The following RRM1 variants were observed in gnomAD, a reference collection of about 807,000 sequenced individuals.
RRM1 encodes ribonucleotide reductase catalytic subunit M1.
Under a neutral mutation model 101.5 loss-of-function variants are expected in RRM1, and 19 were observed. The ratio of observed to expected loss-of-function variants is 0.19; its 90% CI spans 0.13 to 0.27. RRM1 has a LOEUF of 0.27. Ranked by LOEUF, RRM1 falls within the 10% of genes least tolerant of loss-of-function variation. The pLI is 1.00. For missense variants in RRM1, 500 were observed against 962.9 expected, an observed-to-expected ratio of 0.52 and a Z score of 6.36; for synonymous variants, 298 against 323.4, an observed-to-expected ratio of 0.92 and a Z score of 0.84.
At chr11:4,110,341 C>T (rs949079947) in intron 5 of RRM1, among the ~76,000 whole-genome samples, 6 of 151,980 alleles carry the variant, frequency 3.9e-5, no homozygotes, top group Admixed American at 6.5e-5. Context: ...TTAGTAGAGA[C>T]GGAGTTTCAC....
chr11:4,132,567 ATTTG>A lies in RRM1; in HGVS notation c.1905+149_1905+152del. ...AGTCATCTTCATCTCTAATATTATT[ATTTG>A]TTATTAATATTTCAGCACAATAGGC... On this transcript the variant is annotated intron_variant, in intron 16 of 18. Transcript: ENST00000300738. This position sits in a 1 kb window ranked among gnomAD's most constrained non-coding sequence, Gnocchi z 4.1. 1.4e-6 allele frequency: 1 copy of A among 723,840 alleles called. No homozygotes were observed. The highest frequency in any genetic ancestry group is 2.7e-5 in the East Asian group (1 of 37,020). The allele number at this position is 723,840 out of a possible 1,614,324, so 44.8% of individuals were successfully genotyped here.
In RRM1 at chr11:4,133,575, C is replaced by T. The variant is rs778550701; in HGVS notation, c.1918C>T (p.His640Tyr). The change falls in exon 17 of 19, where the codon CAC becomes TAC. Residue 640 changes from histidine to tyrosine, a missense_variant. By Grantham distance (83) the His-to-Tyr change is moderately conservative (BLOSUM62 2). Around this residue, in one of 9 missense-constraint regions of RRM1, gnomAD observed 79 missense variants for 176.4 expected, o/e 0.45. Coordinates refer to ENST00000300738, the MANE Select transcript of RRM1 (RefSeq NM_001033.5). ...CTTTTCCATTCAGATTGTAAATCCT[C>T]ACTTATTGAAAGATCTTACCGAGCG... ...LSGEFQIVNP[H>Y]LLKDLTERGL... 27 of 1,606,292 alleles carry T rather than the reference C, an allele frequency of 1.7e-5. No homozygotes were observed. Among genetic ancestry groups the T allele is most frequent in the Non-Finnish European group, 2.3e-5 (27 of 1,174,992 alleles).
chr11:4,121,841 G>A, intron 10 of RRM1, 76 bp downstream of exon 10: 1 of 1,399,586 alleles, frequency 7.1e-7, no homozygotes. Context: ...CTTAAGTCAT[G>A]CTTAGGAAGA....
intron 1 of RRM1, among the ~76,000 whole-genome samples, chr11:4,101,564 C>CCT (rs1554973355): frequency 1.7e-5 from 2 of 114,778 alleles, no homozygotes; most frequent in African/African-American, 6.6e-5. Context: ...TCCACACCCC[C>CCT]CCCCGCTCCC....
chr11:4,130,144 C>CT (rs1202093783), intron 15 of RRM1, among the ~76,000 whole-genome samples: 1 of 123,710 alleles, frequency 8.1e-6, no homozygotes, highest in Admixed American at 9.0e-5. Context: ...ATATACATGA[C>CT]TTTTTTTCTA....
At chr11:4,124,076 G>C (rs2094585875) in intron 12 of RRM1, among the ~76,000 whole-genome samples, 1 of 152,148 alleles carries the variant, frequency 6.6e-6, no homozygotes. Context: ...CTGTTTTGAT[G>C]GTGCAAGTAG....
intron 1 of RRM1, among the ~76,000 whole-genome samples, chr11:4,098,402 C>T (rs1465508686): frequency 7.1e-6 from 1 of 140,682 alleles, no homozygotes; most frequent in African/African-American, 2.6e-5. Flanking sequence ...TCTCCCCCTC[C>T]CTCCGTCCCT....
rs746042273 is a variant in RRM1 at position 4,126,721 on chromosome 11, T to C, written c.1358T>C (p.Met453Thr). ...AATTTGGCTTCCCTGGCCCTGAATA[T>C]GTATGTCACATCAGAACACACATAC... Reference protein sequence around the residue: ...VCNLASLALNMYVTSEHTYDF... With the variant: ...VCNLASLALNTYVTSEHTYDF... The change falls in exon 13 of 19, where the codon ATG becomes ACG. Residue 453 changes from methionine (M) to threonine (T), a missense_variant. Coordinates refer to ENST00000300738, the MANE Select transcript of RRM1 (RefSeq NM_001033.5). The C allele has an allele frequency of 1.4e-5, 23 of 1,613,586 alleles. No homozygotes were observed. The highest frequency in any genetic ancestry group is 1.9e-5 in the Non-Finnish European group (23 of 1,179,842).
chr11:4,110,316 C>T (rs2133295522), intron 5 of RRM1, among the ~76,000 whole-genome samples: 1 of 152,126 alleles, frequency 6.6e-6, no homozygotes, highest in South Asian at 2.1e-4. Flanking sequence ...CCATGCCCAG[C>T]TAATGTTTGT....
chr11:4,106,020 A>G lies in RRM1; in HGVS notation c.109-26A>G. 8 of 1,597,310 alleles carry G rather than the reference A, an allele frequency of 5.0e-6. No homozygotes were observed. In the South Asian group the frequency reaches 5.6e-5, roughly 11 times the overall value. ...AGCTATTGTTTCTTGGGAAAGCTCA[A>G]GTAATTCTTGGTTTTATTTTTGTAG... On this transcript the variant is annotated intron_variant, in intron 2 of 18. Coordinates refer to ENST00000300738, the MANE Select transcript of RRM1 (RefSeq NM_001033.5).
At position 4,117,517 on chromosome 11, in the gene RRM1, T is replaced by C. The variant is rs567346750; in HGVS notation, c.651-803T>C. 1.7e-3 allele frequency among the ~76,000 whole-genome samples: 266 copies of C among 152,326 alleles called. 2 individuals are homozygous for C. The highest frequency in any genetic ancestry group is 5.9e-3 in the African/African-American group (245 of 41,576). On this transcript the variant is annotated intron_variant, in intron 7 of 18. Transcript: ENST00000300738. ...TTAATTTCTGTAAAGCAATATTGAA[T>C]TAAAACAAGTTGCAGAATGATAAAC...
At position 4,111,398 on chromosome 11, in the gene RRM1, G is replaced by A. The variant is rs112898397; in HGVS notation, c.448-203G>A. On this transcript the variant is annotated intron_variant, in intron 5 of 18. Transcript: ENST00000300738. ...TGCACCCCAGCCTGGGCGACAGAGCGAGACTCTGTCTCAAAAAAAAAAAAA... is the reference window on the plus strand; with the variant it reads ...TGCACCCCAGCCTGGGCGACAGAGCAAGACTCTGTCTCAAAAAAAAAAAAA... Among the ~76,000 whole-genome samples, 912 of 145,782 alleles carry A rather than the reference G, an allele frequency of 6.3e-3. 3 individuals carry two copies. Among genetic ancestry groups the A allele is most frequent in the African/African-American group, 0.022 (854 of 38,346 alleles).
chr11:4,132,450 G>C lies in RRM1; in HGVS notation c.1905+29G>C, dbSNP rs776049694. Reference sequence around the variant, plus strand: ...AGCAGTTCACAACCAGCCTTACAGGGAGATCTTTCAAAAGCCTGATGTTGG... The same window carrying C: ...AGCAGTTCACAACCAGCCTTACAGGCAGATCTTTCAAAAGCCTGATGTTGG... On this transcript the variant is annotated intron_variant, in intron 16 of 18. Coordinates refer to ENST00000300738, the MANE Select transcript of RRM1 (RefSeq NM_001033.5). The surrounding 1 kb of genome is among the most constrained non-coding windows in gnomAD (Gnocchi z 4.1). 1.6e-5 allele frequency: 25 copies of C among 1,610,936 alleles called. No individual in the cohort carries two copies. Among genetic ancestry groups the C allele is most frequent in the Non-Finnish European group, 2.1e-5 (25 of 1,178,186 alleles).
intron 15 of RRM1, among the ~76,000 whole-genome samples, chr11:4,129,658 A>C (rs962550783): frequency 9.2e-5 from 14 of 152,078 alleles, no homozygotes; most frequent in Non-Finnish European, 1.8e-4. Context: ...TCAAACTAAT[A>C]AGCATAAGGG....
chr11:4,130,263 A>G (rs1309367456), intron 15 of RRM1, among the ~76,000 whole-genome samples: 1 of 151,848 alleles, frequency 6.6e-6, no homozygotes, highest in Non-Finnish European at 1.5e-5. Flanking sequence ...CATTTGTCTC[A>G]GAAAACAAAC....
chr11:4,130,082 ATATATT>A (rs1304512676), intron 15 of RRM1, among the ~76,000 whole-genome samples: 14 of 96,856 alleles, frequency 1.4e-4, no homozygotes, highest in Admixed American at 7.1e-4. Context: ...ATATATATAT[ATATATT>A]TTTTTTTTTT....
chr11:4,108,061 T>C (rs1433134699), intron 4 of RRM1, among the ~76,000 whole-genome samples: 1 of 152,178 alleles, frequency 6.6e-6, no homozygotes, highest in African/African-American at 2.4e-5. Context: ...GCTGAGCCAA[T>C]GTGTATATGA....
At chr11:4,100,983 T>A (rs2094550133) in intron 1 of RRM1, among the ~76,000 whole-genome samples, 1 of 152,142 alleles carries the variant, frequency 6.6e-6, no homozygotes. Flanking sequence ...AAGACTTTTT[T>A]GTCTAGAAGG....
Position 4,132,147 on chromosome 11 carries a change from A to G in RRM1, c.1770-139A>G, listed in dbSNP as rs766481529. On this transcript the variant is annotated intron_variant, in intron 15 of 18. Coordinates refer to ENST00000300738, the MANE Select transcript of RRM1 (RefSeq NM_001033.5). The surrounding 1 kb of genome is among the most constrained non-coding windows in gnomAD (Gnocchi z 4.1). The stretch of plus-strand genomic sequence containing the variant: ...CTGTAGGAGTTTAATTTGAAAGTCA[A>G]CGTGTGAGTTCAATGCATGTACGAT... 17 of 821,670 alleles carry G rather than the reference A, an allele frequency of 2.1e-5. No homozygotes were observed. The highest frequency in any genetic ancestry group is 1.0e-4 in the South Asian group (6 of 58,892). The allele number at this position is 821,670 out of a possible 1,614,324, so 50.9% of individuals were successfully genotyped here. A position where few individuals can be genotyped will look rare whatever the true frequency, so the allele number is the denominator to read the frequency against.
Sources: gnomAD v4.1 joint callset for allele counts (sites outside exome capture counted in the v4.1 genomes callset) on GRCh38, gnomAD v4.1.1 for gene constraint, gnomAD v4.1.1 regional missense constraint, Gnocchi (gnomAD v3.1) non-coding constraint, MANE v1.5 for transcripts, NCBI Gene and HGNC (gene_info 2026-07-23, HGNC 2026-07-21) for gene names.